STT3B: variants seen among roughly 807,000 people sequenced by gnomAD.
STT3B encodes the protein dolichyl-diphosphooligosaccharide--protein glycosyltransferase subunit STT3B.
STT3B carries 29 observed loss-of-function variants against 96.8 expected under a neutral mutation model. That is an observed-to-expected ratio of 0.30 (90% CI 0.22 to 0.41). STT3B has a LOEUF of 0.41. STT3B is among the 10% of genes least tolerant of loss of function. The pLI is 1.00. For synonymous variants in STT3B, 367 were observed against 360.0 expected, an observed-to-expected ratio of 1.02 and a Z score of -0.22; for missense variants, 640 against 1,022.3, an observed-to-expected ratio of 0.63 and a Z score of 5.10.
At chr3:31,554,197 G>A (rs1697637078) in intron 1 of STT3B, among the ~76,000 whole-genome samples, 1 of 152,058 alleles carries the variant, frequency 6.6e-6, no homozygotes, top group South Asian at 2.1e-4. Context: ...GAAACAAATT[G>A]TGGTTTATTT....
At position 31,624,946 on chromosome 3, in the gene STT3B, C is replaced by T; in HGVS notation, c.1760C>T (p.Ala587Val). Reference protein sequence around the residue: ...TRNILDDFREAYFWLRQNTDE... With the variant: ...TRNILDDFREVYFWLRQNTDE... ...AATATCTTAGATGATTTTAGAGAAG[C>T]TTACTTTTGGCTAAGGCAAAATACA... is the stretch of plus-strand genomic sequence containing the variant. Residue 587 changes from alanine to valine, a missense_variant, in exon 12 of 16, where the codon GCT becomes GTT. Physicochemically the swap from Ala to Val is moderately conservative, Grantham distance 64. Coordinates refer to ENST00000295770, the MANE Select transcript of STT3B (RefSeq NM_178862.3). 2 of 1,612,448 alleles carry T rather than the reference C, an allele frequency of 1.2e-6. No individual in the cohort carries two copies. The highest frequency in any genetic ancestry group is 2.2e-5 in the South Asian group (2 of 90,896).
chr3:31,608,899 G>A (rs149223220), intron 5 of STT3B, among the ~76,000 whole-genome samples: 4 of 152,138 alleles, frequency 2.6e-5, no homozygotes, highest in African/African-American at 9.6e-5. Flanking sequence ...GGTGGATCAC[G>A]AGGTCAAGAG....
intron 2 of STT3B, among the ~76,000 whole-genome samples, chr3:31,578,438 A>G (rs1355167416): frequency 6.6e-6 from 1 of 151,616 alleles, no homozygotes; most frequent in Non-Finnish European, 1.5e-5. Context: ...TTGTTGATTT[A>G]TTTTTGGTTC....
chr3:31,620,815 A>G (rs1026787761), intron 9 of STT3B, among the ~76,000 whole-genome samples: 10 of 152,238 alleles, frequency 6.6e-5, no homozygotes, highest in African/African-American at 2.4e-4. Flanking sequence ...GTACAATTAT[A>G]GGATCTGGAC....
At chr3:31,599,714 A>G (rs909171508) in intron 4 of STT3B, among the ~76,000 whole-genome samples, 6 of 152,224 alleles carry the variant, frequency 3.9e-5, no homozygotes, top group Non-Finnish European at 7.4e-5. Context: ...TTGGTTGAGA[A>G]TGGAGATTCT....
intron 1 of STT3B, among the ~76,000 whole-genome samples, chr3:31,560,592 C>T (rs1697851658): frequency 6.6e-6 from 1 of 151,884 alleles, no homozygotes; most frequent in Non-Finnish European, 1.5e-5. Flanking sequence ...CTTTCCTGGC[C>T]TATAAGTTTC....
At position 31,584,596 on chromosome 3, in the gene STT3B, T is replaced by C. The variant is rs1241415038; in HGVS notation, c.711+4500T>C. On this transcript the variant is annotated intron_variant, in intron 3 of 15. Transcript: ENST00000295770. ...AATCTAGTAGAAGAAATTATAGATA[T>C]CATTGCTTTGAAGGATCATATTAAC... Among the ~76,000 whole-genome samples, 4 of 152,154 alleles carry C rather than the reference T, an allele frequency of 2.6e-5. No homozygotes were observed. The East Asian group carries it at 5.8e-4, about 22-fold the overall frequency.
At chr3:31,562,898 C>G (rs1697914021) in intron 1 of STT3B, among the ~76,000 whole-genome samples, 1 of 152,218 alleles carries the variant, frequency 6.6e-6, no homozygotes, top group African/African-American at 2.4e-5. Flanking sequence ...AGCTGTCTCT[C>G]TGGAGCAGTG....
At chr3:31,598,036 A>G (rs767140696) in intron 4 of STT3B, among the ~76,000 whole-genome samples, 2 of 151,756 alleles carry the variant, frequency 1.3e-5, no homozygotes, top group Non-Finnish European at 2.9e-5. Flanking sequence ...GGGTTTTACC[A>G]TGTTGATCAG....
intron 4 of STT3B, among the ~76,000 whole-genome samples, chr3:31,598,169 A>G (rs1288659329): frequency 6.6e-6 from 1 of 152,152 alleles, no homozygotes; most frequent in Non-Finnish European, 1.5e-5. Context: ...TCTGACAAGT[A>G]AAATATTTTC....
At chr3:31,538,322 A>T (rs769249227) in intron 1 of STT3B, among the ~76,000 whole-genome samples, 1 of 152,202 alleles carries the variant, frequency 6.6e-6, no homozygotes, top group Non-Finnish European at 1.5e-5. Context: ...ATGTATATAC[A>T]TGCTGTTTCA....
intron 1 of STT3B, among the ~76,000 whole-genome samples, chr3:31,571,510 C>T (rs1179726905): frequency 1.3e-5 from 2 of 152,078 alleles, no homozygotes; most frequent in Non-Finnish European, 2.9e-5. Flanking sequence ...CCAAAACAGC[C>T]ATGTTTTATA....
At chr3:31,617,680 G>A (rs530840674) in intron 7 of STT3B, among the ~76,000 whole-genome samples, 4 of 152,018 alleles carry the variant, frequency 2.6e-5, no homozygotes, top group African/African-American at 9.6e-5. Flanking sequence ...AAGCTTAAGA[G>A]AATTGGAAAA....
chr3:31,535,846 A>T (rs1697079337), intron 1 of STT3B, among the ~76,000 whole-genome samples: 1 of 152,208 alleles, frequency 6.6e-6, no homozygotes, highest in Non-Finnish European at 1.5e-5. Context: ...GAGCTACTTA[A>T]TTTAGGTATT....
intron 1 of STT3B, among the ~76,000 whole-genome samples, chr3:31,570,202 TTAAAG>T (rs1289953764): frequency 9.9e-5 from 15 of 152,128 alleles, no homozygotes; most frequent in African/African-American, 3.4e-4. Context: ...AAGACAAAAA[TTAAAG>T]TAAGTGTTGA....
intron 3 of STT3B, among the ~76,000 whole-genome samples, chr3:31,586,094 A>G (rs910791678): frequency 9.2e-5 from 14 of 152,024 alleles, no homozygotes; most frequent in African/African-American, 3.4e-4. Context: ...AGTAATATTT[A>G]CTCTACTTTT....
At chr3:31,627,873 A>G (rs1321808790) in intron 13 of STT3B, among the ~76,000 whole-genome samples, 2 of 152,166 alleles carry the variant, frequency 1.3e-5, no homozygotes, top group Admixed American at 6.5e-5. Context: ...ATCTTAAATT[A>G]TTTTTAAACT....
At chr3:31,578,950 G>A (rs1261356587) in intron 2 of STT3B, among the ~76,000 whole-genome samples, 1 of 152,112 alleles carries the variant, frequency 6.6e-6, no homozygotes, top group African/African-American at 2.4e-5. Flanking sequence ...GAAAGGAAAT[G>A]TATAACCTTT....
intron 1 of STT3B, among the ~76,000 whole-genome samples, chr3:31,565,032 T>C (rs1233775140): frequency 6.6e-6 from 1 of 152,234 alleles, no homozygotes; most frequent in Non-Finnish European, 1.5e-5. Flanking sequence ...GGCTTAACCT[T>C]TTAACATGCC....
Sources: allele counts gnomAD v4.1 joint callset (sites outside exome capture counted in the v4.1 genomes callset), GRCh38; gene constraint gnomAD v4.1.1; transcripts MANE v1.5; gene names NCBI Gene and HGNC (gene_info 2026-07-23, HGNC 2026-07-21).